The following NIPBL variants were observed in gnomAD, a reference collection of about 807,000 sequenced individuals.
NIPBL encodes NIPBL cohesin loading factor.
Under a neutral mutation model 321.8 loss-of-function variants are expected in NIPBL, and 19 were observed. The ratio of observed to expected loss-of-function variants is 0.06; its 90% confidence interval spans 0.04 to 0.09. NIPBL has a LOEUF of 0.09. Ranked by LOEUF, NIPBL falls within the 10% of genes least tolerant of loss-of-function variation. The pLI is 1.00. For synonymous variants in NIPBL, 1,106 were observed against 1,114.1 expected (o/e 0.99, Z 0.14); for missense variants, 2,210 against 3,327.0 (o/e 0.66, Z 8.26).
chr5:36,976,815 C>T (rs1743519213), intron 9 of NIPBL, among the ~76,000 whole-genome samples: 1 of 152,074 alleles, frequency 6.6e-6, no homozygotes, highest in Admixed American at 6.6e-5. Flanking sequence ...TTAAGAAAAG[C>T]TCATGTGTAT....
Position 37,019,333 on chromosome 5 carries a change from T to C in NIPBL, c.4943T>C (p.Ile1648Thr). The C allele has an allele frequency of 6.2e-7, 1 of 1,612,394 alleles. No homozygotes were observed. Among genetic ancestry groups the C allele is most frequent in the Middle Eastern group, 1.7e-4 (1 of 6,058 alleles). ...TAGGTTTCAGGAGGGGAAGATGAAA[T>C]CCAACAATTACAAAAAGCATTGCTT... Reference protein sequence around the residue: ...LKQVSGGEDEIQQLQKALLDY... With the variant: ...LKQVSGGEDETQQLQKALLDY... Residue 1648 changes from isoleucine to threonine, a missense_variant, in exon 25 of 47, where the codon ATC becomes ACC. Physicochemically the swap from Ile to Thr is moderately conservative, Grantham distance 89 (BLOSUM62 -1). Coordinates refer to ENST00000282516, the MANE Select transcript of NIPBL (RefSeq NM_133433.4).
intron 25 of NIPBL, 145 bp downstream of exon 25, chr5:37,019,545 AC>A: frequency 1.5e-6 from 1 of 676,748 alleles, no homozygotes; most frequent in Non-Finnish European, 2.7e-6. Flanking sequence ...GATAATCTAA[AC>A]AGAAAAGAAT....
chr5:36,878,923 C>T (rs1580125913), intron 1 of NIPBL, among the ~76,000 whole-genome samples: 1 of 151,590 alleles, frequency 6.6e-6, no homozygotes, highest in Non-Finnish European at 1.5e-5. Flanking sequence ...CTTTGTGCTG[C>T]CTGCTCCTGT....
chr5:37,056,178 A>T (rs1345459367), intron 42 of NIPBL, among the ~76,000 whole-genome samples: 1 of 152,114 alleles, frequency 6.6e-6, no homozygotes, highest in Non-Finnish European at 1.5e-5. Context: ...TTATGTCTAC[A>T]TTTTTTCATC....
intron 8 of NIPBL, 61 bp from the exon 9 acceptor site, chr5:36,975,715 T>C (rs1743360059): frequency 1.3e-6 from 2 of 1,488,654 alleles, no homozygotes; most frequent in South Asian, 1.2e-5. Flanking sequence ...AATATTTCTA[T>C]CACATTGTAA....
chr5:36,971,086 A>G (rs202041614), intron 7 of NIPBL, 50 bp downstream of exon 7: 2 of 1,484,512 alleles, frequency 1.3e-6, no homozygotes, highest in African/African-American at 2.8e-5. Context: ...AATATTTGTC[A>G]TATAACCTAG....
chr5:37,034,777 A>G (rs531267381), intron 32 of NIPBL, among the ~76,000 whole-genome samples: 2 of 152,374 alleles, frequency 1.3e-5, no homozygotes, highest in East Asian at 1.9e-4. Context: ...GAAGGAGCAC[A>G]TTGGGAGCTA....
intron 1 of NIPBL, among the ~76,000 whole-genome samples, chr5:36,928,758 A>C (rs188057361): frequency 1.3e-5 from 2 of 152,286 alleles, no homozygotes; most frequent in African/African-American, 4.8e-5. Flanking sequence ...CATTTCATCT[A>C]AAAAGAATTA....
intron 44 of NIPBL, 34 bp downstream of exon 44, chr5:37,059,199 C>A (rs370741233): frequency 1.2e-6 from 2 of 1,607,930 alleles, no homozygotes; most frequent in Non-Finnish European, 1.7e-6. Flanking sequence ...GAAAAAACTT[C>A]ACTCTGTTCA....
chr5:37,057,424 CT>C, intron 43 of NIPBL, 92 bp downstream of exon 43: 1 of 1,239,168 alleles, frequency 8.1e-7, no homozygotes, highest in Non-Finnish European at 1.2e-6. Context: ...TTTTTATCCT[CT>C]TCACGAGTAT....
intron 11 of NIPBL, 106 bp from the exon 12 acceptor site, chr5:37,000,267 C>G: frequency 9.5e-7 from 1 of 1,051,374 alleles, no homozygotes; most frequent in Non-Finnish European, 1.4e-6. Context: ...TTTCCTAGAC[C>G]CTATGGAATG....
At chr5:37,031,658 A>G (rs946986865) in intron 32 of NIPBL, among the ~76,000 whole-genome samples, 4 of 152,196 alleles carry the variant, frequency 2.6e-5, no homozygotes, top group South Asian at 2.1e-4. Context: ...GTCCTTTGTA[A>G]TCCAGAGCAA....
chr5:37,013,890 C>G (rs1331446969), intron 21 of NIPBL, among the ~76,000 whole-genome samples: 5 of 152,356 alleles, frequency 3.3e-5, no homozygotes, highest in Admixed American at 2.6e-4. Context: ...CAGCCGAGAT[C>G]ACGCCACTGC....
chr5:36,898,263 ATTG>A (rs986411737), intron 1 of NIPBL, among the ~76,000 whole-genome samples: 4 of 152,180 alleles, frequency 2.6e-5, no homozygotes, highest in African/African-American at 9.6e-5. Flanking sequence ...TATCATTAAT[ATTG>A]TTGTTCTTAT....
At chr5:36,970,411 C>CTA (rs34663125) in intron 6 of NIPBL, among the ~76,000 whole-genome samples, 51,984 of 143,348 alleles carry the variant, frequency 0.36, 9,487 homozygotes, top group African/African-American at 0.46. Context: ...GAATTTAAAA[C>CTA]TATATATATA....
Position 36,976,033 on chromosome 5 carries a change from A to G in NIPBL, c.1126A>G (p.Met376Val), listed in dbSNP as rs944979264. The G allele has an allele frequency of 5.0e-6, 8 of 1,614,068 alleles. No individual in the cohort carries two copies. Among genetic ancestry groups the G allele is most frequent in the Non-Finnish European group, 6.8e-6 (8 of 1,179,922 alleles). ...RSSDMDQQED[M>V]ISGVENSNVS... ...TTCAGACATGGACCAGCAAGAGGAT[A>G]TGATTTCTGGTGTGGAAAATAGCAA... Residue 376 changes from methionine (M) to valine (V), a missense_variant, in exon 9 of 47, where the codon ATG becomes GTG. By Grantham distance (21) the Met-to-Val change is conservative (BLOSUM62 1). Around this residue, in one of 14 missense-constraint regions of NIPBL, gnomAD observed 464 missense variants for 529.5 expected, o/e 0.88. Coordinates refer to ENST00000282516, the MANE Select transcript of NIPBL (RefSeq NM_133433.4).
chr5:37,044,319 T>C, intron 34 of NIPBL, 28 bp from the exon 35 acceptor site: 1 of 1,605,480 alleles, frequency 6.2e-7, no homozygotes, highest in Non-Finnish European at 8.5e-7. Flanking sequence ...TTTTGGATAT[T>C]CATAAAGCAT....
At chr5:36,904,456 C>T (rs1013783496) in intron 1 of NIPBL, among the ~76,000 whole-genome samples, 1 of 152,132 alleles carries the variant, frequency 6.6e-6, no homozygotes, top group Non-Finnish European at 1.5e-5. Flanking sequence ...GTGACAAGAG[C>T]AAGATTTCCT....
At chr5:37,064,134 A>G in intron 46 of NIPBL, 156 bp downstream of exon 46, 1 of 1,439,060 alleles carries the variant, frequency 6.9e-7, no homozygotes, top group Non-Finnish European at 9.1e-7. Context: ...ACCCGTTTAT[A>G]CATCCTTTTG....
Sources: gnomAD v4.1 joint callset for allele counts (sites outside exome capture counted in the v4.1 genomes callset) on GRCh38, gnomAD v4.1.1 for gene constraint, gnomAD v4.1.1 regional missense constraint, MANE v1.5 for transcripts, NCBI Gene and HGNC (gene_info 2026-07-23, HGNC 2026-07-21) for gene names.